The following PLCH2 variants were observed in gnomAD, a reference collection of about 807,000 sequenced individuals.
PLCH2 encodes the protein 1-phosphatidylinositol 4,5-bisphosphate phosphodiesterase eta-2.
PLCH2 carries 98 observed loss-of-function variants against 134.7 expected under a neutral mutation model. The observed-to-expected ratio is 0.73, with a 90% CI of 0.62 to 0.86. The LOEUF is 0.86. Among genes scored for constraint, PLCH2 ranks in the 40% least tolerant of loss-of-function variants. The probability of loss-of-function intolerance (pLI) is 0.00; values close to 1 mark genes in which losing one functional copy is unlikely to be tolerated. For missense variants in PLCH2, 1,994 were observed against 1,986.6 expected (o/e 1.00, Z -0.07); for synonymous variants, 974 against 827.5 (o/e 1.18, Z -3.04).
chr1:2,465,594 C>T (rs1641021127), upstream of PLCH2, among the ~76,000 whole-genome samples: 1 of 152,182 alleles, frequency 6.6e-6, no homozygotes, highest in Admixed American at 6.5e-5. Context: ...CCGCCCGCCA[C>T]CTGCCACCCG....
intron 2 of PLCH2, among the ~76,000 whole-genome samples, chr1:2,462,353 TG>T (rs1241607201): frequency 1.4e-5 from 1 of 73,626 alleles, no homozygotes; most frequent in East Asian, 4.3e-4. Context: ...CCCCTCTGCC[TG>T]ACAGCCCCTC....
Position 2,504,822 on chromosome 1 carries a change from G to T in PLCH2, c.3860G>T (p.Arg1287Leu), listed in dbSNP as rs769524187. 1 of 1,609,572 alleles carries T rather than the reference G, an allele frequency of 6.2e-7. No homozygotes were observed. The highest frequency in any genetic ancestry group is 1.7e-5 in the Admixed American group (1 of 59,814). Residue 1287 changes from arginine (R) to leucine (L), a missense_variant, in exon 22 of 22, where the codon CGG becomes CTG. By Grantham distance (102) the Arg-to-Leu change is moderately radical. This residue lies in a region of PLCH2 where 900 missense variants were observed against 752.3 expected (regional missense o/e 1.20). Transcript: ENST00000378486. The part of the protein sequence containing the change: ...SHSLGLPGGT[R>L]RVSGPGVRRD... ...AGCCTGGGCCTCCCGGGAGGGACAC[G>T]GCGGGTGTCGGGGCCAGGGGTGAGA...
intron 2 of PLCH2, among the ~76,000 whole-genome samples, chr1:2,441,073 A>G (rs1279238865): frequency 6.6e-6 from 1 of 152,140 alleles, no homozygotes; most frequent in Non-Finnish European, 1.5e-5. Context: ...CCAGGTGCCC[A>G]GGAAGTGGAG....
Position 2,448,501 on chromosome 1 carries a change from TCTC to T in PLCH2, c.115+17876_115+17878del, listed in dbSNP as rs1208072165. 6.6e-6 allele frequency among the ~76,000 whole-genome samples: 1 copy of T among 152,142 alleles called. No homozygotes were observed. Among genetic ancestry groups the T allele is most frequent in the East Asian group, 1.9e-4 (1 of 5,180 alleles). On this transcript the variant is annotated intron_variant, in intron 2 of 3. Transcript: ENST00000609981. This position sits in a 1 kb window ranked among gnomAD's most constrained non-coding sequence, Gnocchi z 4.0. ...GGCCTGCCTGGGTCATTCGGGACGA[TCTC>T]CTCGGCGCAGGCCTTTCACTGAGCA...
At chr1:2,503,466 T>C in intron 21 of PLCH2, 1 of 607,544 alleles carries the variant, frequency 1.6e-6, no homozygotes, top group Non-Finnish European at 2.9e-6. Context: ...GCCCCAGGGC[T>C]TCGCTGCTTT....
the PLCH2 span, among the ~76,000 whole-genome samples, chr1:2,418,437 G>A: frequency 2.6e-5 from 4 of 152,190 alleles, no homozygotes; most frequent in Admixed American, 6.5e-5. Context: ...GGCTCTGGTC[G>A]TTCTGCTCCA....
intron 1 of PLCH2, among the ~76,000 whole-genome samples, chr1:2,467,972 G>T (rs1256009983): frequency 6.6e-6 from 1 of 152,210 alleles, no homozygotes; most frequent in Non-Finnish European, 1.5e-5. Flanking sequence ...CCCTGCAAAG[G>T]GTCCAACACA....
chr1:2,475,472 G>A (rs1016460620), upstream of PLCH2, among the ~76,000 whole-genome samples: 3 of 152,244 alleles, frequency 2.0e-5, no homozygotes, highest in Non-Finnish European at 4.4e-5. Flanking sequence ...GTCCCGGCCT[G>A]GACTTGGGGA....
Position 2,487,682 on chromosome 1 carries a change from T to C in PLCH2, c.1199T>C (p.Ile400Thr). The change falls in exon 8 of 22, where the codon ATT becomes ACT. Residue 400 changes from isoleucine (I) to threonine (T), a missense_variant. Physicochemically the swap from Ile to Thr is moderately conservative, Grantham distance 89. Coordinates refer to ENST00000378486, the MANE Select transcript of PLCH2 (RefSeq NM_014638.4). The stretch of plus-strand genomic sequence containing the variant: ...TCCAAGATCCTCTTCAAAGACGTCA[T>C]TGAAACCATCAACAAATATGCCTTC... The part of the protein sequence containing the change: ...LTSKILFKDV[I>T]ETINKYAFIK... 1 of 1,613,484 alleles carries C rather than the reference T, an allele frequency of 6.2e-7. No homozygotes were observed. Among genetic ancestry groups the C allele is most frequent in the Non-Finnish European group, 8.5e-7 (1 of 1,179,810 alleles).
chr1:2,478,012 G>C (rs1158314296), intron 1 of PLCH2, among the ~76,000 whole-genome samples: 1 of 152,240 alleles, frequency 6.6e-6, no homozygotes, highest in East Asian at 1.9e-4. Context: ...GCCCCAGACA[G>C]CCAGCCCAGC....
intron 2 of PLCH2, among the ~76,000 whole-genome samples, chr1:2,460,412 G>A (rs1371796035): frequency 6.6e-6 from 1 of 152,218 alleles, no homozygotes; most frequent in Non-Finnish European, 1.5e-5. Flanking sequence ...TGATGGCTAG[G>A]GGTATGGAAC....
chr1:2,419,962 T>TCCC, the PLCH2 span, among the ~76,000 whole-genome samples: 6 of 134,546 alleles, frequency 4.5e-5, 1 homozygote, highest in African/African-American at 1.7e-4. Flanking sequence ...GCAGGCCAAG[T>TCCC]CCCCCCCCCA....
intron 11 of PLCH2, among the ~76,000 whole-genome samples, chr1:2,492,098 G>A (rs925834728): frequency 2.0e-5 from 3 of 152,336 alleles, no homozygotes; most frequent in Admixed American, 1.3e-4. Context: ...GCACCGGCTC[G>A]TTCTGCCTGT....
intron 1 of PLCH2, among the ~76,000 whole-genome samples, chr1:2,467,881 G>C (rs1479156693): frequency 6.6e-6 from 1 of 152,164 alleles, no homozygotes; most frequent in Non-Finnish European, 1.5e-5. Flanking sequence ...TCCCAGAGGA[G>C]GGATGCTGCC....
In PLCH2 at chr1:2,505,479, A is replaced by AAT; in HGVS notation, c.*267_*268dup. On this transcript the variant is annotated 3_prime_UTR_variant, in exon 22 of 22. Transcript: ENST00000378486. ...GGATCTGTACATAGAGAAATATTTA[A>AAT]ATTTTTAGAAGCAAAACTTATACAA... The AAT allele has an allele frequency of 2.0e-6, 1 of 504,216 alleles. No homozygotes were observed. Among genetic ancestry groups the AAT allele is most frequent in the South Asian group, 2.9e-5 (1 of 34,630 alleles). The allele number at this position is 504,216 out of a possible 1,614,324, so 31.2% of individuals were successfully genotyped here.
At chr1:2,480,897 T>C (rs1010208208) in intron 4 of PLCH2, among the ~76,000 whole-genome samples, 13 of 152,202 alleles carry the variant, frequency 8.5e-5, no homozygotes, top group African/African-American at 3.1e-4. Flanking sequence ...TGGTTCCGGG[T>C]GGTGCTGGCT....
chr1:2,472,069 C>T (rs955193680), upstream of PLCH2, among the ~76,000 whole-genome samples: 4 of 152,158 alleles, frequency 2.6e-5, no homozygotes, highest in Non-Finnish European at 5.9e-5. Context: ...ACCCCTCAGG[C>T]CCAGCCTGAC....
intron 2 of PLCH2, among the ~76,000 whole-genome samples, chr1:2,454,968 T>TG (rs1557963749): frequency 6.6e-6 from 1 of 152,056 alleles, no homozygotes; most frequent in African/African-American, 2.4e-5. Context: ...CCTCCCTGCC[T>TG]GGGGGCAGCC....
At chr1:2,452,909 G>A (rs933267122) in intron 2 of PLCH2, among the ~76,000 whole-genome samples, 2 of 152,210 alleles carry the variant, frequency 1.3e-5, no homozygotes, top group Non-Finnish European at 2.9e-5. Context: ...GAGGAAGGGT[G>A]CCTGTTGGCA....
Sources: allele counts gnomAD v4.1 joint callset (sites outside exome capture counted in the v4.1 genomes callset), GRCh38; gene constraint gnomAD v4.1.1; regional missense constraint gnomAD v4.1.1; non-coding constraint Gnocchi (gnomAD v3.1); transcripts MANE v1.5; gene names NCBI Gene and HGNC (gene_info 2026-07-23, HGNC 2026-07-21).